MYO1E: variants seen among roughly 807,000 people sequenced by gnomAD.
MYO1E encodes unconventional myosin-Ie.
In MYO1E, 68 loss-of-function variants were observed where a neutral mutation model predicts 151.1. The observed-to-expected ratio is 0.45, with a 90% CI of 0.37 to 0.55. The LOEUF is 0.55. MYO1E is among the 20% of genes least tolerant of loss of function. The pLI is 0.00. For missense variants in MYO1E, 1,363 were observed against 1,389.3 expected, an observed-to-expected ratio of 0.98 and a Z score of 0.30; for synonymous variants, 601 against 501.7, an observed-to-expected ratio of 1.20 and a Z score of -2.64.
intron 1 of MYO1E, among the ~76,000 whole-genome samples, chr15:59,349,437 A>G (rs149132548): frequency 9.9e-5 from 15 of 152,280 alleles, no homozygotes; most frequent in African/African-American, 3.6e-4. Flanking sequence ...TTAGCAATCT[A>G]CCATATAAAA....
intron 26 of MYO1E, among the ~76,000 whole-genome samples, chr15:59,143,753 G>A (rs1276752741): frequency 6.6e-6 from 1 of 152,174 alleles, no homozygotes; most frequent in Non-Finnish European, 1.5e-5. Context: ...GGTGGCACAC[G>A]CCTAAGGCTC....
intron 2 of MYO1E, among the ~76,000 whole-genome samples, chr15:59,265,330 A>G (rs1566996136): frequency 1.3e-5 from 2 of 152,148 alleles, no homozygotes; most frequent in Non-Finnish European, 1.5e-5. Context: ...CTCCCCACCA[A>G]TCCCTTGGTT....
At chr15:59,216,817 C>T (rs1278837081) in intron 10 of MYO1E, among the ~76,000 whole-genome samples, 1 of 151,056 alleles carries the variant, frequency 6.6e-6, no homozygotes, top group Non-Finnish European at 1.5e-5. Flanking sequence ...GCCTCATTCC[C>T]CTCCCCTTAA....
intron 9 of MYO1E, among the ~76,000 whole-genome samples, chr15:59,221,767 A>C (rs1353719511): frequency 6.6e-6 from 1 of 152,184 alleles, no homozygotes; most frequent in African/African-American, 2.4e-5. Context: ...TCTTGTTTCA[A>C]ACATCTAGGG....
chr15:59,358,830 G>A (rs549923998), intron 1 of MYO1E, among the ~76,000 whole-genome samples: 2 of 152,208 alleles, frequency 1.3e-5, no homozygotes, highest in East Asian at 3.9e-4. Context: ...AACATTTCCA[G>A]TAAAAGCAGG....
rs1176534572 is a variant in MYO1E, at chr15:59,209,816, T to A, written c.1362+698A>T. ...TGTATCACTTTTATTTTGAATCACC[T>A]TTTTTTTTTTTTTTTTTTTTTTTTT... On this transcript the variant is annotated intron_variant, in intron 13 of 27. Transcript: ENST00000288235. 1.9e-3 allele frequency among the ~76,000 whole-genome samples: 27 copies of A among 14,448 alleles called. No individual in the cohort carries two copies. In the South Asian group the frequency reaches 0.11, roughly 60 times the overall value. The allele number at this position is 14,448 out of a possible 152,430, so 9.5% of individuals were successfully genotyped here.
intron 13 of MYO1E, 55 bp downstream of exon 13, chr15:59,210,459 A>G (rs1566979925): frequency 1.6e-6 from 2 of 1,219,198 alleles, no homozygotes; most frequent in East Asian, 2.3e-5. Flanking sequence ...GAGAATAAAA[A>G]CTCACTTAAT....
rs143453163 is a variant in MYO1E, at chr15:59,356,789, G to C, written c.3+15709C>G. 3.3e-3 allele frequency among the ~76,000 whole-genome samples: 501 copies of C among 152,104 alleles called. 5 individuals are homozygous for C. The highest frequency in any genetic ancestry group is 0.011 in the African/African-American group (472 of 41,470). ...TTGCCATGTTGCCCAGACTGGTCCT[G>C]AACTCCTAAGCTCAAGGGATCTGCC... On this transcript the variant is annotated intron_variant, in intron 1 of 27. Coordinates refer to ENST00000288235, the MANE Select transcript of MYO1E (RefSeq NM_004998.4).
At chr15:59,141,497 T>G (rs767863026) in intron 26 of MYO1E, among the ~76,000 whole-genome samples, 105 of 152,312 alleles carry the variant, frequency 6.9e-4, no homozygotes, top group Non-Finnish European at 1.4e-3. Context: ...AGAAAAAGGC[T>G]TTTTAAAAAA....
Position 59,161,177 on chromosome 15 carries a change from G to C in MYO1E, c.2681C>G (p.Ser894Cys). Residue 894 changes from serine to cysteine, a missense_variant, in exon 24 of 28, where the codon TCC (serine) becomes TGC (cysteine). Coordinates refer to ENST00000288235, the MANE Select transcript of MYO1E (RefSeq NM_004998.4). ...ENWGPWSAGG[S>C]RQVQFHQGFG... is the part of the protein sequence containing the mutation. ...CCCTTGGTGGAACTGCACTTGCCGG[G>C]AGCCCCCTGCACTCCAGGGGCCCCA... is the stretch of plus-strand genomic sequence containing the variant. 3 of 1,614,050 alleles carry C rather than the reference G, an allele frequency of 1.9e-6. No homozygotes were observed. The highest frequency in any genetic ancestry group is 2.5e-6 in the Non-Finnish European group (3 of 1,179,986).
intron 4 of MYO1E, among the ~76,000 whole-genome samples, chr15:59,240,398 T>C (rs2080092934): frequency 6.6e-6 from 1 of 152,108 alleles, no homozygotes; most frequent in South Asian, 2.1e-4. Flanking sequence ...GGGGGGTCTG[T>C]GTACTAACTA....
intron 1 of MYO1E, among the ~76,000 whole-genome samples, chr15:59,334,106 C>T (rs1353102882): frequency 3.3e-5 from 5 of 152,176 alleles, no homozygotes; most frequent in African/African-American, 1.2e-4. Context: ...CATAGTGACA[C>T]TCCATCTGTA....
chr15:59,229,319 C>T, intron 6 of MYO1E, among the ~76,000 whole-genome samples: 1 of 152,138 alleles, frequency 6.6e-6, no homozygotes, highest in East Asian at 1.9e-4. Context: ...GACTCTAGGA[C>T]CAGGGCCCGG....
intron 8 of MYO1E, among the ~76,000 whole-genome samples, chr15:59,224,339 G>T (rs952799336): frequency 1.7e-4 from 26 of 152,318 alleles, no homozygotes; most frequent in African/African-American, 6.0e-4. Context: ...GTCCATAGAC[G>T]TGCGGTTTGC....
Position 59,147,462 on chromosome 15 carries a change from C to T in MYO1E, c.3080+6128G>A, listed in dbSNP as rs554175637. Among the ~76,000 whole-genome samples the T allele has an allele frequency of 3.6e-4, 54 of 152,002 alleles. 1 individual carries two copies. Among genetic ancestry groups the T allele is most frequent in the Admixed American group, 1.2e-3 (19 of 15,262 alleles). ...TAAAAATTAGCCAGGTGTGGTGGCT[C>T]ATGCGTGTAATCTCAGCTGCTTGCG... is the stretch of plus-strand genomic sequence containing the variant. On this transcript the variant is annotated intron_variant, in intron 26 of 27. Transcript: ENST00000288235.
chr15:59,164,361 T>C (rs1197132817), intron 22 of MYO1E, among the ~76,000 whole-genome samples: 2 of 152,222 alleles, frequency 1.3e-5, no homozygotes, highest in East Asian at 1.9e-4. Context: ...TTCCCAGGCA[T>C]TAGAAACAAA....
At chr15:59,288,726 T>C (rs779714540) in intron 1 of MYO1E, among the ~76,000 whole-genome samples, 1 of 152,082 alleles carries the variant, frequency 6.6e-6, no homozygotes, top group South Asian at 2.1e-4. Context: ...ACTTTTAAAG[T>C]TTCATGATGC....
chr15:59,218,449 C>A (rs1289319059), intron 9 of MYO1E, among the ~76,000 whole-genome samples: 1 of 152,230 alleles, frequency 6.6e-6, no homozygotes, highest in Non-Finnish European at 1.5e-5. Context: ...CAGGAAGGAA[C>A]TCAATCAAGA....
Position 59,372,729 on chromosome 15 carries a change from T to C in MYO1E, c.-229A>G, listed in dbSNP as rs1005073658. ...GCGGCGACTTAGCAGGCGGGGCGCA[T>C]GCTGCGGAGGGCAAGAGTCCACTCG... On this transcript the variant is annotated 5_prime_UTR_variant, in exon 1 of 28. It removes an upstream start codon present in the reference 5' UTR. Transcript: ENST00000288235. 1.1e-4 allele frequency: 64 copies of C among 579,360 alleles called. 1 individual carries two copies. In the Middle Eastern group the frequency reaches 1.4e-3, roughly 12 times the overall value. The allele number at this position is 579,360 out of a possible 1,614,324, so 35.9% of individuals were successfully genotyped here.
Sources: gnomAD v4.1 joint callset for allele counts (sites outside exome capture counted in the v4.1 genomes callset) on GRCh38, gnomAD v4.1.1 for gene constraint, MANE v1.5 for transcripts, NCBI Gene and HGNC (gene_info 2026-07-23, HGNC 2026-07-21) for gene names.